The following RBFOX1 variants were observed in gnomAD, a reference collection of about 807,000 sequenced individuals.
RBFOX1 encodes RNA binding fox-1 homolog 1, also known as RNA binding protein fox-1 homolog 1.
In RBFOX1, 8 loss-of-function variants were observed where a neutral mutation model predicts 57.7. That is an observed-to-expected ratio of 0.14 (90% CI 0.08 to 0.25). The LOEUF (loss-of-function observed/expected upper bound fraction) is 0.25. Ranked by LOEUF, RBFOX1 falls within the 10% of genes least tolerant of loss-of-function variation. The probability of loss-of-function intolerance (pLI) is 1.00; values close to 1 mark genes in which losing one functional copy is unlikely to be tolerated. For synonymous variants in RBFOX1, 326 were observed against 222.4 expected (o/e 1.47, Z -4.15); for missense variants, 611 against 548.5 (o/e 1.11, Z -1.14).
intron 1 of RBFOX1, among the ~76,000 whole-genome samples, chr16:6,087,364 A>T (rs1373220513): frequency 6.6e-6 from 1 of 152,150 alleles, no homozygotes; most frequent in Non-Finnish European, 1.5e-5. Context: ...GTTTATATAT[A>T]TATATATGTA....
At chr16:5,684,041 A>T (rs929367235) in intron 3 of RBFOX1, among the ~76,000 whole-genome samples, 2 of 152,040 alleles carry the variant, frequency 1.3e-5, no homozygotes, top group African/African-American at 4.8e-5. Context: ...TTTTAAAAAG[A>T]TGTAACTGGT....
chr16:7,334,399 TAGAA>T (rs2096748222), intron 4 of RBFOX1, among the ~76,000 whole-genome samples: 1 of 152,064 alleles, frequency 6.6e-6, no homozygotes, highest in Non-Finnish European at 1.5e-5. Flanking sequence ...AGTGGCAACT[TAGAA>T]AGTTAACAGG....
At chr16:5,242,070 T>C (rs1364410727) in intron 1 of RBFOX1, among the ~76,000 whole-genome samples, 3 of 152,072 alleles carry the variant, frequency 2.0e-5, no homozygotes, top group Non-Finnish European at 4.4e-5. Flanking sequence ...GCTGTCATCA[T>C]GCCACTGCAC....
At chr16:5,407,975 C>T (rs559130426) in intron 1 of RBFOX1, among the ~76,000 whole-genome samples, 10 of 152,396 alleles carry the variant, frequency 6.6e-5, no homozygotes, top group Admixed American at 1.3e-4. Context: ...TAGGAAGATT[C>T]TGGCCATTCT....
chr16:6,930,214 C>T (rs1412449626), intron 3 of RBFOX1, among the ~76,000 whole-genome samples: 1 of 152,118 alleles, frequency 6.6e-6, no homozygotes, highest in African/African-American at 2.4e-5. Context: ...ATTGAGAACT[C>T]CTAAAACTCA....
rs374357406 is a variant in RBFOX1, at chr16:7,570,501, C to G, written c.271-9276C>G. ...GGATGAGTAAGGACTGCCACCAGTA[C>G]CCTGGACCCACAGACAACCCTGAGA... On this transcript the variant is annotated intron_variant, in intron 5 of 15. Coordinates refer to ENST00000550418, the MANE Select transcript of RBFOX1 (RefSeq NM_018723.4). 2.4e-4 allele frequency among the ~76,000 whole-genome samples: 37 copies of G among 152,266 alleles called. 1 individual carries two copies. The highest frequency in any genetic ancestry group is 7.7e-4 in the East Asian group (4 of 5,180).
chr16:7,492,036 A>G (rs555111298), intron 4 of RBFOX1, among the ~76,000 whole-genome samples: 7 of 152,264 alleles, frequency 4.6e-5, no homozygotes, highest in Admixed American at 2.0e-4. Context: ...CAGCATCAGA[A>G]TCCTGTGTTC....
At chr16:6,412,160 A>C (rs2093479599) in intron 2 of RBFOX1, among the ~76,000 whole-genome samples, 2 of 151,684 alleles carry the variant, frequency 1.3e-5, no homozygotes, top group Non-Finnish European at 1.5e-5. Context: ...AAACAAAAAA[A>C]CAAAAAAAAA....
At chr16:5,407,585 G>A (rs558091123) in intron 1 of RBFOX1, among the ~76,000 whole-genome samples, 1 of 152,032 alleles carries the variant, frequency 6.6e-6, no homozygotes, top group Admixed American at 6.6e-5. Context: ...GTCTCACTCT[G>A]TCACCCAGGC....
chr16:6,214,426 G>A, intron 1 of RBFOX1, among the ~76,000 whole-genome samples: 2 of 145,740 alleles, frequency 1.4e-5, no homozygotes, highest in South Asian at 2.3e-4. Context: ...GGGAGAGGGA[G>A]AGAGGGAGAA....
At chr16:5,383,280 T>C (rs1301362176) in intron 1 of RBFOX1, among the ~76,000 whole-genome samples, 1 of 151,948 alleles carries the variant, frequency 6.6e-6, no homozygotes, top group Non-Finnish European at 1.5e-5. Context: ...CCCACTGGTG[T>C]GGGGAAAAGG....
At chr16:7,574,275 G>C (rs1352063201) in intron 5 of RBFOX1, among the ~76,000 whole-genome samples, 2 of 152,190 alleles carry the variant, frequency 1.3e-5, no homozygotes, top group Admixed American at 6.5e-5. Flanking sequence ...TCTCTTTGGA[G>C]AGTCTCATTG....
At chr16:7,586,200 A>G (rs1035836980) in intron 6 of RBFOX1, among the ~76,000 whole-genome samples, 27 of 152,196 alleles carry the variant, frequency 1.8e-4, no homozygotes, top group Non-Finnish European at 5.9e-5. Context: ...GCCACAGTAC[A>G]TGATTTTACA....
rs190984992 is a variant in RBFOX1 at position 5,698,753 on chromosome 16, A to G, written c.318+99792A>G. Among the ~76,000 whole-genome samples, 184 of 152,340 alleles carry G rather than the reference A, an allele frequency of 1.2e-3. 3 individuals are homozygous for G. Among genetic ancestry groups the G allele is most frequent in the Non-Finnish European group, 8.5e-4 (58 of 68,026 alleles). On this transcript the variant is annotated intron_variant, in intron 3 of 19. Transcript: ENST00000641259. ...AAACATGGTATGTCCATACAACATAAAGTCATTTGTTTATGAAAAGGAATG... is the reference window on the plus strand; with the variant it reads ...AAACATGGTATGTCCATACAACATAGAGTCATTTGTTTATGAAAAGGAATG...
At chr16:6,885,906 C>A (rs28471023) in intron 3 of RBFOX1, among the ~76,000 whole-genome samples, 4 of 152,094 alleles carry the variant, frequency 2.6e-5, no homozygotes, top group South Asian at 2.1e-4. Flanking sequence ...GGAGAATGAA[C>A]GTTGACTTTA....
intron 2 of RBFOX1, among the ~76,000 whole-genome samples, chr16:6,394,738 G>A (rs898733691): frequency 2.0e-5 from 3 of 151,928 alleles, no homozygotes; most frequent in Admixed American, 6.6e-5. Context: ...AGTCCTCTGT[G>A]ATTAGGTTCT....
At chr16:5,569,891 C>G (rs545211467) in intron 2 of RBFOX1, among the ~76,000 whole-genome samples, 13 of 152,224 alleles carry the variant, frequency 8.5e-5, no homozygotes, top group African/African-American at 3.1e-4. Flanking sequence ...TAAGAAGATC[C>G]TAGTCAAAGA....
At chr16:6,933,228 T>A (rs1037084075) in intron 3 of RBFOX1, among the ~76,000 whole-genome samples, 2 of 152,216 alleles carry the variant, frequency 1.3e-5, no homozygotes, top group African/African-American at 4.8e-5. Context: ...TCAGAGTCCC[T>A]GCTTTCAGTT....
At chr16:6,757,752 A>C (rs2076027696) in intron 3 of RBFOX1, among the ~76,000 whole-genome samples, 1 of 152,172 alleles carries the variant, frequency 6.6e-6, no homozygotes, top group Non-Finnish European at 1.5e-5. Flanking sequence ...ATGATGGTTA[A>C]AAACAATTTA....
Sources: allele counts gnomAD v4.1 joint callset (sites outside exome capture counted in the v4.1 genomes callset), GRCh38; gene constraint gnomAD v4.1.1; transcripts MANE v1.5; gene names NCBI Gene and HGNC (gene_info 2026-07-23, HGNC 2026-07-21).